CPO: variants seen among roughly 807,000 people sequenced by gnomAD.
CPO encodes the protein carboxypeptidase O.
In CPO, 43 loss-of-function variants were observed where a neutral mutation model predicts 41.2. That is an observed-to-expected ratio of 1.04 (90% confidence interval 0.82 to 1.35). CPO has a LOEUF of 1.35. CPO is among the 40% of genes most tolerant of loss of function. CPO has a pLI of 0.00. For synonymous variants in CPO, 178 were observed against 162.7 expected, an observed-to-expected ratio of 1.09 and a Z score of -0.72; for missense variants, 408 against 451.7, an observed-to-expected ratio of 0.90 and a Z score of 0.88.
At position 206,959,642 on chromosome 2, in the gene CPO, C is replaced by T. The variant is rs1693441487; in HGVS notation, c.384C>T (p.Asn128=). 2 of 1,428,916 alleles carry T rather than the reference C, an allele frequency of 1.4e-6. No homozygotes were observed. The highest frequency in any genetic ancestry group is 2.3e-5 in the South Asian group (2 of 87,184). The allele number at this position is 1,428,916 out of a possible 1,614,324, so 88.5% of individuals were successfully genotyped here. ...TCTTAAATTTCCAGATTCTACAAAA[C>T]CATAAAGACAACTCAAGTATACGCA... ...CQWFVKEILQ[N]HKDNSSIRKL... The change falls in exon 5 of 9, where the codon AAC becomes AAT. Residue 128 remains asparagine (N), a synonymous_variant. Coordinates refer to ENST00000272852, the MANE Select transcript of CPO (RefSeq NM_173077.3).
In CPO at chr2:206,967,936, G is replaced by C. The variant is rs138998807; in HGVS notation, c.778-327G>C. On this transcript the variant is annotated intron_variant, in intron 7 of 8. Transcript: ENST00000272852. ...CATTTCAGAGGTAGAGTCTGACATAGAATGATGGCACTGGAAATGCAACTT... is the reference window on the plus strand; with the variant it reads ...CATTTCAGAGGTAGAGTCTGACATACAATGATGGCACTGGAAATGCAACTT... Among the ~76,000 whole-genome samples the C allele has an allele frequency of 2.2e-3, 335 of 152,330 alleles. 3 individuals are homozygous for C. The highest frequency in any genetic ancestry group is 7.7e-3 in the African/African-American group (319 of 41,570).
At chr2:206,958,182 G>A (rs1334387078) in intron 3 of CPO, 119 bp from the exon 4 acceptor site, 3 of 561,604 alleles carry the variant, frequency 5.3e-6, no homozygotes, top group Non-Finnish European at 9.5e-6. Context: ...CCTCCCTCTT[G>A]AAACCACAGA....
intron 8 of CPO, among the ~76,000 whole-genome samples, chr2:206,968,773 A>T (rs1001983621): frequency 2.0e-5 from 3 of 152,134 alleles, no homozygotes; most frequent in Non-Finnish European, 4.4e-5. Flanking sequence ...TCCCAACCCC[A>T]ATCTCCACCC....
At chr2:206,956,287 A>T (rs989159304) in intron 3 of CPO, among the ~76,000 whole-genome samples, 1 of 152,130 alleles carries the variant, frequency 6.6e-6, no homozygotes, top group Non-Finnish European at 1.5e-5. Context: ...ATTTTGACCT[A>T]ATTGTTTCAG....
chr2:206,967,331 C>CTATATATATA (rs200615925), intron 7 of CPO, among the ~76,000 whole-genome samples: 2 of 118,508 alleles, frequency 1.7e-5, no homozygotes, highest in African/African-American at 7.0e-5. Context: ...CTCTGAAATG[C>CTATATATATA]TATATATATA....
In CPO at chr2:206,960,934, C is replaced by G; in HGVS notation, c.566C>G (p.Ser189Cys). 6.3e-7 allele frequency: 1 copy of G among 1,597,268 alleles called. No homozygotes were observed. Among genetic ancestry groups the G allele is most frequent in the South Asian group, 1.1e-5 (1 of 90,754 alleles). The change falls in exon 6 of 9, where the codon TCT (serine) becomes TGT (cysteine). Residue 189 changes from serine (S) to cysteine (C), a missense_variant. By Grantham distance (112) the Ser-to-Cys change is moderately radical. Transcript: ENST00000272852. ...GATCTCAATCGAAATTTCAATGCAT[C>G]TTGGTGTAGTAAGTACATGCTTAGT... ...GTDLNRNFNA[S>C]WCSIGASRNC...
intron 7 of CPO, among the ~76,000 whole-genome samples, chr2:206,963,526 A>T (rs1384602285): frequency 1.3e-5 from 2 of 152,140 alleles, no homozygotes; most frequent in African/African-American, 4.8e-5. Context: ...GTCCCTCACA[A>T]CCATCACTCT....
chr2:206,958,366 ATG>A lies in CPO; in HGVS notation c.334_335del (p.Trp112AspfsTer18). On this transcript the variant is annotated frameshift_variant, in exon 4 of 9. Transcript: ENST00000272852. LOFTEE classifies it high-confidence loss of function. ...TGGACTGTGGAATTCACGCCAGAGA[ATG>A]GATTGCTCCTGCTTTTTGCCAATGG... The part of the protein sequence containing the change: ...WMDCGIHARE[W>X]IAPAFCQWFV... The A allele has an allele frequency of 6.2e-7, 1 of 1,601,862 alleles. No homozygotes were observed. Among genetic ancestry groups the A allele is most frequent in the Non-Finnish European group, 8.5e-7 (1 of 1,174,140 alleles).
At chr2:206,961,789 AG>A (rs1282923440) in intron 6 of CPO, among the ~76,000 whole-genome samples, 1 of 151,994 alleles carries the variant, frequency 6.6e-6, no homozygotes, top group Non-Finnish European at 1.5e-5. Context: ...GGCCCACCAC[AG>A]GTTTAAGTAA....
At chr2:206,941,487 G>C (rs377133862) in intron 1 of CPO, among the ~76,000 whole-genome samples, 3 of 151,708 alleles carry the variant, frequency 2.0e-5, no homozygotes, top group African/African-American at 7.3e-5. Context: ...TGCAAATATC[G>C]TACAATGAAC....
chr2:206,961,820 G>A (rs760621715), intron 6 of CPO, among the ~76,000 whole-genome samples: 32 of 151,964 alleles, frequency 2.1e-4, no homozygotes, highest in Admixed American at 2.0e-4. Context: ...GGCAGGGCAC[G>A]GTGGCTCATG....
chr2:206,944,095 A>C (rs1209411275), intron 1 of CPO, among the ~76,000 whole-genome samples: 1 of 152,020 alleles, frequency 6.6e-6, no homozygotes, highest in Non-Finnish European at 1.5e-5. Context: ...ACCTATTACT[A>C]CTTTTGCATA....
At chr2:206,950,951 G>A (rs1028945909) in intron 2 of CPO, among the ~76,000 whole-genome samples, 4 of 151,862 alleles carry the variant, frequency 2.6e-5, no homozygotes, top group Non-Finnish European at 5.9e-5. Flanking sequence ...CCTGGGGGAG[G>A]GATAGCATTA....
chr2:206,939,739 G>C, intron 1 of CPO, 72 bp downstream of exon 1: 1 of 1,322,006 alleles, frequency 7.6e-7, no homozygotes, highest in Non-Finnish European at 1.1e-6. Context: ...TTCTTTTTAA[G>C]ACCAATGCAG....
chr2:206,952,426 T>C (rs1693282359), intron 2 of CPO, among the ~76,000 whole-genome samples: 1 of 152,172 alleles, frequency 6.6e-6, no homozygotes, highest in Non-Finnish European at 1.5e-5. Context: ...TAACTATTAT[T>C]TACTATAACT....
intron 6 of CPO, 136 bp from the exon 7 acceptor site, chr2:206,962,276 G>C: frequency 1.4e-6 from 1 of 726,370 alleles, no homozygotes; most frequent in Non-Finnish European, 2.4e-6. Flanking sequence ...GACTAATTTA[G>C]CCTGGACTAA....
At chr2:206,943,733 GATA>G (rs1693082367) in intron 1 of CPO, among the ~76,000 whole-genome samples, 101 of 21,824 alleles carry the variant, frequency 4.6e-3, no homozygotes, top group Non-Finnish European at 6.2e-3. Context: ...ATAGATGATA[GATA>G]GATAGATAGA....
At position 206,959,712 on chromosome 2, in the gene CPO, A is replaced by G. The variant is rs756386223; in HGVS notation, c.454A>G (p.Ile152Val). 1.3e-6 allele frequency: 2 copies of G among 1,549,082 alleles called. No homozygotes were observed. The highest frequency in any genetic ancestry group is 2.2e-5 in the East Asian group (1 of 44,554). The change falls in exon 5 of 9, where the codon ATA (isoleucine) becomes GTA (valine). Residue 152 changes from isoleucine to valine, a missense_variant. By Grantham distance (29) the Ile-to-Val change is conservative. Transcript: ENST00000272852. ...CTTCTATGTCCTTCCAGTTCTTAAC[A>G]TAGATGGTTATATCTACACTTGGAC... ...LDFYVLPVLNIDGYIYTWTTD... is the reference protein window; with the variant it reads ...LDFYVLPVLNVDGYIYTWTTD...
intron 1 of CPO, among the ~76,000 whole-genome samples, chr2:206,943,702 A>AGATGATGGATAGAT (rs767676082): frequency 1.1e-4 from 15 of 141,824 alleles, no homozygotes; most frequent in East Asian, 1.0e-3. Context: ...ATAGATAGAT[A>AGATGATGGATAGAT]GATAGATAGA....
Sources: allele counts gnomAD v4.1 joint callset (sites outside exome capture counted in the v4.1 genomes callset), GRCh38; gene constraint gnomAD v4.1.1; transcripts MANE v1.5; gene names NCBI Gene and HGNC (gene_info 2026-07-23, HGNC 2026-07-21).